GRID2: variants seen among roughly 807,000 people sequenced by gnomAD.
GRID2 encodes the protein glutamate receptor ionotropic, delta-2.
Under a neutral mutation model 114.8 loss-of-function variants are expected in GRID2, and 33 were observed. The ratio of observed to expected loss-of-function variants is 0.29; its 90% CI spans 0.22 to 0.38. The LOEUF (loss-of-function observed/expected upper bound fraction) is 0.38, where lower values mean the gene tolerates loss of function less well. Among genes scored for constraint, GRID2 ranks in the 10% least tolerant of loss-of-function variants. GRID2 has a pLI of 1.00. For missense variants in GRID2, 1,184 were observed against 1,257.7 expected, an observed-to-expected ratio of 0.94 and a Z score of 0.89; for synonymous variants, 505 against 449.9, an observed-to-expected ratio of 1.12 and a Z score of -1.55.
chr4:93,192,682 G>A (rs940823536), intron 4 of GRID2, among the ~76,000 whole-genome samples: 1 of 150,760 alleles, frequency 6.6e-6, no homozygotes. Context: ...GGGAGGCAGA[G>A]GTTGCAGTGA....
chr4:93,359,333 C>A (rs1425483176), intron 8 of GRID2, among the ~76,000 whole-genome samples: 1 of 151,542 alleles, frequency 6.6e-6, no homozygotes, highest in East Asian at 2.0e-4. Flanking sequence ...TTATGGGGTA[C>A]ATGAGATGTT....
intron 2 of GRID2, among the ~76,000 whole-genome samples, chr4:93,058,341 A>G (rs763669913): frequency 1.3e-5 from 2 of 151,992 alleles, no homozygotes; most frequent in Non-Finnish European, 2.9e-5. Flanking sequence ...TAAAGTGACT[A>G]TATTTATTAA....
At chr4:93,212,914 AG>A (rs1227907825) in intron 5 of GRID2, among the ~76,000 whole-genome samples, 1 of 151,968 alleles carries the variant, frequency 6.6e-6, no homozygotes, top group Non-Finnish European at 1.5e-5. Context: ...CTGGGATTAC[AG>A]GGATGTGCCA....
At chr4:92,606,973 C>T (rs1211174537) in intron 2 of GRID2, among the ~76,000 whole-genome samples, 1 of 151,874 alleles carries the variant, frequency 6.6e-6, no homozygotes, top group African/African-American at 2.4e-5. Context: ...CAGCAAAGGT[C>T]GACATGATGT....
intron 14 of GRID2, among the ~76,000 whole-genome samples, chr4:93,760,834 T>C (rs1174696062): frequency 1.3e-5 from 2 of 152,206 alleles, no homozygotes; most frequent in Admixed American, 6.5e-5. Flanking sequence ...GGAATTTCTT[T>C]TTTTAGGAGT....
chr4:92,726,076 TGA>T (rs1376199970), intron 2 of GRID2, among the ~76,000 whole-genome samples: 1 of 151,072 alleles, frequency 6.6e-6, no homozygotes, highest in Non-Finnish European at 1.5e-5. Flanking sequence ...GAATCATAGA[TGA>T]GAGAGAAAAG....
chr4:92,641,173 C>A, intron 2 of GRID2, among the ~76,000 whole-genome samples: 1 of 151,518 alleles, frequency 6.6e-6, no homozygotes, highest in Non-Finnish European at 1.5e-5. Context: ...GATGAACATA[C>A]CTGAATCTCT....
intron 2 of GRID2, among the ~76,000 whole-genome samples, chr4:92,752,655 G>A (rs984993373): frequency 1.4e-4 from 22 of 152,146 alleles, no homozygotes; most frequent in Admixed American, 3.3e-4. Context: ...AAATAGTACA[G>A]ATCGTAATAT....
chr4:93,538,143 C>A (rs543149155), intron 13 of GRID2, among the ~76,000 whole-genome samples: 3 of 151,636 alleles, frequency 2.0e-5, no homozygotes, highest in African/African-American at 4.8e-5. Flanking sequence ...TACCAGGAAT[C>A]CTTAGAGAAA....
chr4:92,433,876 A>G (rs1002414961), intron 1 of GRID2, among the ~76,000 whole-genome samples: 1 of 152,230 alleles, frequency 6.6e-6, no homozygotes, highest in Non-Finnish European at 1.5e-5. Flanking sequence ...TAACATACAC[A>G]TATTTAATGA....
chr4:92,420,825 C>T (rs1292304615), intron 1 of GRID2, among the ~76,000 whole-genome samples: 2 of 152,100 alleles, frequency 1.3e-5, no homozygotes, highest in African/African-American at 2.4e-5. Context: ...GCTGGGATTA[C>T]AGGCACGTGC....
chr4:93,490,629 C>G lies in GRID2; in HGVS notation c.1859-10C>G. 6.3e-7 allele frequency: 1 copy of G among 1,599,012 alleles called. No individual in the cohort carries two copies. The highest frequency in any genetic ancestry group is 8.6e-7 in the Non-Finnish European group (1 of 1,168,452). On this transcript the variant is annotated splice_polypyrimidine_tract_variant and intron_variant, in intron 11 of 15. Transcript: ENST00000282020. Reference sequence around the variant, plus strand: ...TGATGTTCTTTTTATCTCTTTGCTTCTTTCTACAGGCGGGGAAGTCCCGTA... The same window carrying G: ...TGATGTTCTTTTTATCTCTTTGCTTGTTTCTACAGGCGGGGAAGTCCCGTA...
intron 2 of GRID2, among the ~76,000 whole-genome samples, chr4:92,614,331 TA>T (rs767953891): frequency 7.3e-5 from 11 of 151,628 alleles, no homozygotes; most frequent in Non-Finnish European, 1.0e-4. Flanking sequence ...TGACTTAGGA[TA>T]TTTTTTTCTT....
At position 93,433,298 on chromosome 4, in the gene GRID2, A is replaced by G. The variant is rs756806550; in HGVS notation, c.1545+10330A>G. The stretch of plus-strand genomic sequence containing the variant: ...GGTCAGTTTTTGTGTGAAGAGAAAC[A>G]TTTAGCCAGGTCTCAAAGTTTTCAG... On this transcript the variant is annotated intron_variant, in intron 10 of 15. Transcript: ENST00000282020. 1.6e-4 allele frequency among the ~76,000 whole-genome samples: 24 copies of G among 152,294 alleles called. No individual in the cohort carries two copies. In the South Asian group the frequency reaches 2.7e-3, roughly 17 times the overall value.
intron 14 of GRID2, among the ~76,000 whole-genome samples, chr4:93,644,201 C>A (rs920538494): frequency 2.2e-5 from 2 of 91,020 alleles, no homozygotes; most frequent in Admixed American, 1.9e-4. Flanking sequence ...CACTGGCCTG[C>A]GCCCACTGTC....
chr4:93,665,083 AT>A (rs1288111679), intron 14 of GRID2, among the ~76,000 whole-genome samples: 1 of 152,144 alleles, frequency 6.6e-6, no homozygotes, highest in Non-Finnish European at 1.5e-5. Flanking sequence ...GGGGATCCCC[AT>A]TGCATACCAT....
chr4:93,372,867 G>A (rs1329945482), intron 8 of GRID2, among the ~76,000 whole-genome samples: 1 of 152,070 alleles, frequency 6.6e-6, no homozygotes, highest in African/African-American at 2.4e-5. Flanking sequence ...ATGAAAATAT[G>A]TACAACATAT....
intron 13 of GRID2, among the ~76,000 whole-genome samples, chr4:93,569,937 G>C (rs1735782044): frequency 6.6e-6 from 1 of 151,994 alleles, no homozygotes; most frequent in African/African-American, 2.4e-5. Context: ...CACAATATTT[G>C]TTATTATGTC....
intron 2 of GRID2, among the ~76,000 whole-genome samples, chr4:92,667,096 T>C (rs1171644315): frequency 4.0e-5 from 6 of 151,506 alleles, no homozygotes. Flanking sequence ...TGCTGTCGAG[T>C]TAAGAAGTGA....
Sources: gnomAD v4.1 joint callset for allele counts (sites outside exome capture counted in the v4.1 genomes callset) on GRCh38, gnomAD v4.1.1 for gene constraint, MANE v1.5 for transcripts, NCBI Gene and HGNC (gene_info 2026-07-23, HGNC 2026-07-21) for gene names.